RERG: variants seen among roughly 807,000 people sequenced by gnomAD.
RERG encodes RAS like estrogen regulated growth inhibitor.
RERG carries 25 observed loss-of-function variants against 23.2 expected under a neutral mutation model. The observed-to-expected ratio is 1.08, with a 90% confidence interval of 0.79 to 1.50. RERG has a LOEUF of 1.50. Ranked by LOEUF, RERG falls within the 40% of genes most tolerant of loss-of-function variation. The pLI is 0.00. For synonymous variants in RERG, 81 were observed against 89.1 expected, an observed-to-expected ratio of 0.91 and a Z score of 0.51; for missense variants, 253 against 250.1, an observed-to-expected ratio of 1.01 and a Z score of -0.08.
At chr12:15,142,141 A>G (rs953020907) in intron 2 of RERG, among the ~76,000 whole-genome samples, 4 of 152,204 alleles carry the variant, frequency 2.6e-5, no homozygotes, top group African/African-American at 9.7e-5. Context: ...ATTATTCTCC[A>G]TTAATAAATG....
intron 2 of RERG, among the ~76,000 whole-genome samples, chr12:15,140,250 C>T (rs988455289): frequency 2.0e-5 from 3 of 152,072 alleles, no homozygotes; most frequent in African/African-American, 4.8e-5. Context: ...TGAGAGTTCT[C>T]TCACTCTTTT....
At chr12:15,215,446 T>C (rs1022602515) in intron 2 of RERG, among the ~76,000 whole-genome samples, 2 of 152,182 alleles carry the variant, frequency 1.3e-5, no homozygotes, top group African/African-American at 4.8e-5. Context: ...CATGGGAGCC[T>C]GGGAAGGAAG....
intron 2 of RERG, among the ~76,000 whole-genome samples, chr12:15,169,919 AATGTGTGTGTGTGT>A (rs1355994345): frequency 9.4e-6 from 1 of 105,984 alleles, no homozygotes; most frequent in Non-Finnish European, 2.1e-5. Context: ...ATCTGCTAAA[AATGTGTGTGTGTGT>A]GTGTGTGTGT....
At chr12:15,154,183 C>A (rs867963100) in intron 2 of RERG, 3 of 152,166 alleles carry the variant, frequency 2.0e-5, no homozygotes, top group Non-Finnish European at 2.9e-5. Flanking sequence ...TGAGGCAGTG[C>A]TAGCAAACTA....
At chr12:15,185,065 G>A (rs1864971634) in intron 2 of RERG, among the ~76,000 whole-genome samples, 1 of 152,096 alleles carries the variant, frequency 6.6e-6, no homozygotes, top group Admixed American at 6.6e-5. Context: ...AGATCTCAGG[G>A]ACAGGTGCAG....
chr12:15,159,887 A>G (rs1864579864), intron 2 of RERG, among the ~76,000 whole-genome samples: 1 of 152,234 alleles, frequency 6.6e-6, no homozygotes, highest in East Asian at 1.9e-4. Context: ...AACCAAATTT[A>G]TCTTCCAAAC....
At chr12:15,148,829 T>C (rs976988439) in intron 2 of RERG, among the ~76,000 whole-genome samples, 1 of 149,282 alleles carries the variant, frequency 6.7e-6, no homozygotes, top group Non-Finnish European at 1.5e-5. Context: ...TTAAATTCAT[T>C]TGCAGTCCTT....
At chr12:15,182,408 C>T (rs1864937545) in intron 2 of RERG, among the ~76,000 whole-genome samples, 1 of 152,120 alleles carries the variant, frequency 6.6e-6, no homozygotes, top group Non-Finnish European at 1.5e-5. Context: ...AAGAACTCTC[C>T]ATCCTCACCA....
At chr12:15,206,438 T>A (rs1385691495) in intron 2 of RERG, among the ~76,000 whole-genome samples, 3 of 152,158 alleles carry the variant, frequency 2.0e-5, no homozygotes, top group African/African-American at 7.2e-5. Context: ...GCTATATGCT[T>A]TTCTGAAGCT....
chr12:15,125,731 G>C (rs1863925832), intron 2 of RERG, among the ~76,000 whole-genome samples: 1 of 151,914 alleles, frequency 6.6e-6, no homozygotes, highest in Non-Finnish European at 1.5e-5. Context: ...CATTAAGCAT[G>C]ACCTCAATTT....
intron 2 of RERG, among the ~76,000 whole-genome samples, chr12:15,164,129 GTTAATAAGGTC>G (rs1012404630): frequency 1.3e-5 from 2 of 152,162 alleles, no homozygotes; most frequent in African/African-American, 2.4e-5. Context: ...ACAAGGCACA[GTTAATAAGGTC>G]TGACTCCAGA....
At chr12:15,171,865 A>G (rs184266301) in intron 2 of RERG, among the ~76,000 whole-genome samples, 3 of 152,330 alleles carry the variant, frequency 2.0e-5, no homozygotes, top group African/African-American at 4.8e-5. Context: ...CTAATAGTTA[A>G]TAAGCTTATG....
chr12:15,158,950 T>G (rs1864564001), intron 2 of RERG, among the ~76,000 whole-genome samples: 1 of 152,236 alleles, frequency 6.6e-6, no homozygotes, highest in African/African-American at 2.4e-5. Context: ...TGGAAGATAT[T>G]CTGAAACTAT....
intron 2 of RERG, among the ~76,000 whole-genome samples, chr12:15,168,749 G>T (rs1416719779): frequency 1.3e-5 from 2 of 152,140 alleles, no homozygotes; most frequent in African/African-American, 4.8e-5. Context: ...ACATTTCTCT[G>T]CCACTGTAAA....
At chr12:15,218,815 GT>G (rs773922075) in intron 1 of RERG, among the ~76,000 whole-genome samples, 2 of 151,836 alleles carry the variant, frequency 1.3e-5, no homozygotes, top group Non-Finnish European at 2.9e-5. Flanking sequence ...TCTCGTTTAT[GT>G]TTTTTTGACC....
chr12:15,179,147 A>G (rs1459079576), intron 2 of RERG, among the ~76,000 whole-genome samples: 2 of 152,160 alleles, frequency 1.3e-5, no homozygotes, highest in African/African-American at 2.4e-5. Flanking sequence ...CAATGTGTGT[A>G]TATGTGTGTA....
intron 1 of RERG, among the ~76,000 whole-genome samples, chr12:15,218,413 T>G (rs1865471715): frequency 6.6e-6 from 1 of 151,308 alleles, no homozygotes; most frequent in Admixed American, 6.6e-5. Flanking sequence ...TTGGTGGTGG[T>G]GGGGGCTGGA....
intron 2 of RERG, among the ~76,000 whole-genome samples, chr12:15,157,571 A>T (rs775382521): frequency 2.0e-4 from 31 of 151,962 alleles, no homozygotes; most frequent in Non-Finnish European, 3.8e-4. Context: ...TCCCATTTTC[A>T]CTCTTTTTGG....
At chr12:15,205,527 T>C (rs1333950514) in intron 2 of RERG, among the ~76,000 whole-genome samples, 1 of 152,070 alleles carries the variant, frequency 6.6e-6, no homozygotes, top group Non-Finnish European at 1.5e-5. Flanking sequence ...CTACCATGTA[T>C]GGCTGAGTCT....
Sources: gnomAD v4.1 joint callset for allele counts (sites outside exome capture counted in the v4.1 genomes callset) on GRCh38, gnomAD v4.1.1 for gene constraint, MANE v1.5 for transcripts, NCBI Gene and HGNC (gene_info 2026-07-23, HGNC 2026-07-21) for gene names.